The following ABCA13 variants were observed in gnomAD, a reference collection of about 807,000 sequenced individuals.
The protein encoded by ABCA13 is ATP-binding cassette sub-family A member 13.
In ABCA13, 476 loss-of-function variants were observed where a neutral mutation model predicts 478.7. The ratio of observed to expected loss-of-function variants is 0.99; its 90% CI spans 0.92 to 1.07. The LOEUF is 1.07. ABCA13 is among the 50% of genes least tolerant of loss of function. The probability of loss-of-function intolerance (pLI) is 0.00; values close to 1 mark genes in which losing one functional copy is unlikely to be tolerated. For synonymous variants in ABCA13, 2,252 were observed against 2,158.9 expected (o/e 1.04, Z -1.20); for missense variants, 6,060 against 5,910.6 (o/e 1.03, Z -0.83).
chr7:48,225,109 G>GTGCC (rs201750881), intron 5 of ABCA13, among the ~76,000 whole-genome samples: 3,666 of 113,344 alleles, frequency 0.032, 175 homozygotes, highest in African/African-American at 0.055. Context: ...CCATGCGTGC[G>GTGCC]TGCCTGCCTG....
intron 55 of ABCA13, among the ~76,000 whole-genome samples, chr7:48,547,587 T>C (rs1366300900): frequency 6.6e-6 from 1 of 151,886 alleles, no homozygotes; most frequent in East Asian, 1.9e-4. Context: ...GTGTTCTTAA[T>C]TTCACACTGA....
At chr7:48,373,172 T>G (rs1465407153) in intron 33 of ABCA13, among the ~76,000 whole-genome samples, 1 of 152,206 alleles carries the variant, frequency 6.6e-6, no homozygotes, top group Non-Finnish European at 1.5e-5. Flanking sequence ...GCAGGTCAAG[T>G]GACTTCCTAA....
At chr7:48,371,265 C>CT (rs903620826) in intron 32 of ABCA13, among the ~76,000 whole-genome samples, 3 of 151,896 alleles carry the variant, frequency 2.0e-5, no homozygotes, top group Non-Finnish European at 2.9e-5. Flanking sequence ...TATACAGGCT[C>CT]TTTTTTTTGG....
chr7:48,377,337 G>T (rs1006340675), intron 35 of ABCA13, among the ~76,000 whole-genome samples: 4 of 152,070 alleles, frequency 2.6e-5, no homozygotes, highest in African/African-American at 9.7e-5. Context: ...ATTTTTTAGA[G>T]ATAACACTTT....
chr7:48,313,089 A>G lies in ABCA13; in HGVS notation c.9539A>G (p.Asn3180Ser), dbSNP rs753457260. The G allele has an allele frequency of 8.7e-6, 14 of 1,600,436 alleles. No homozygotes were observed. In the African/African-American group the frequency reaches 1.9e-4, roughly 22 times the overall value. The part of the protein sequence containing the change: ...IYKTLMPSEA[N>S]GLLNSLLDIV... ...TAGACTCTGATGCCTTCTGAAGCAA[A>G]TGGCTTGCTCAACTCCTTGCTGGAT... The change falls in exon 25 of 62, where the codon AAT becomes AGT. Residue 3180 changes from asparagine to serine, a missense_variant. Around this residue, in one of 3 missense-constraint regions of ABCA13, gnomAD observed 4,423 missense variants for 4,309.1 expected, o/e 1.03. Transcript: ENST00000435803.
At position 48,200,751 on chromosome 7, in the gene ABCA13, C is replaced by T. The variant is rs35311027; in HGVS notation, c.287+2391C>T. Among the ~76,000 whole-genome samples the T allele has an allele frequency of 7.0e-4, 107 of 152,272 alleles. 1 individual carries two copies. Among genetic ancestry groups the T allele is most frequent in the Non-Finnish European group, 8.7e-4 (59 of 68,030 alleles). On this transcript the variant is annotated intron_variant, in intron 3 of 61. Transcript: ENST00000435803. ...TCTGGTTTCAGACTCAGCCACTTGA[C>T]CAAGCAGATTTCATGCGTTTTCATA...
At chr7:48,201,086 A>C (rs1481538183) in intron 3 of ABCA13, among the ~76,000 whole-genome samples, 1 of 101,716 alleles carries the variant, frequency 9.8e-6, no homozygotes, top group Admixed American at 1.1e-4. Context: ...ATTGGTTTAC[A>C]AAGCTCTTTG....
At chr7:48,374,531 A>G (rs1813155006) in intron 34 of ABCA13, 115 bp downstream of exon 34, 3 of 967,022 alleles carry the variant, frequency 3.1e-6, no homozygotes, top group Non-Finnish European at 4.6e-6. Context: ...AGCATTCAGA[A>G]TGAGGTTTGG....
intron 48 of ABCA13, among the ~76,000 whole-genome samples, chr7:48,493,168 C>A (rs766191203): frequency 1.6e-4 from 24 of 152,090 alleles, no homozygotes; most frequent in Admixed American, 8.5e-4. Flanking sequence ...GGTGTTTATA[C>A]TACTGATGTT....
At chr7:48,587,073 G>A (rs1012443290) in intron 56 of ABCA13, 81 bp from the exon 57 acceptor site, 43 of 1,575,468 alleles carry the variant, frequency 2.7e-5, no homozygotes, top group Non-Finnish European at 3.5e-5. Context: ...GGAGGTAGAA[G>A]CAGGAATGAG....
Position 48,597,152 on chromosome 7 carries a change from G to A in ABCA13, c.14744+2339G>A, listed in dbSNP as rs568537738. On this transcript the variant is annotated intron_variant, in intron 58 of 61. Transcript: ENST00000435803. Reference sequence around the variant, plus strand: ...ATTTTAGTAGAGACGGGGTTTCACCGTGTTAGCCAGGATGGTCTCGATCTC... The same window carrying A: ...ATTTTAGTAGAGACGGGGTTTCACCATGTTAGCCAGGATGGTCTCGATCTC... Among the ~76,000 whole-genome samples the A allele has an allele frequency of 1.2e-3, 177 of 152,068 alleles. 1 individual carries two copies. Among genetic ancestry groups the A allele is most frequent in the African/African-American group, 4.0e-3 (166 of 41,526 alleles).
chr7:48,632,649 A>G (rs931477258), intron 59 of ABCA13, among the ~76,000 whole-genome samples: 5 of 152,116 alleles, frequency 3.3e-5, no homozygotes, highest in Admixed American at 6.5e-5. Context: ...GGTACTCACA[A>G]TAGGATATAC....
chr7:48,381,069 A>T (rs1814291224), intron 35 of ABCA13, among the ~76,000 whole-genome samples: 1 of 152,106 alleles, frequency 6.6e-6, no homozygotes, highest in African/African-American at 2.4e-5. Context: ...TCTTGTTCAC[A>T]TTCCCACAGC....
rs1009991347 is a variant in ABCA13, at chr7:48,433,629, A to T, written c.12565+5758A>T. On this transcript the variant is annotated intron_variant, in intron 42 of 61. Coordinates refer to ENST00000435803, the MANE Select transcript of ABCA13 (RefSeq NM_152701.5). ...AACCATCATCATCATCCATTTCCAGAACTTTTTTATCTTCTCAAATTGAAA... is the reference window on the plus strand; with the variant it reads ...AACCATCATCATCATCCATTTCCAGTACTTTTTTATCTTCTCAAATTGAAA... 2.0e-5 allele frequency among the ~76,000 whole-genome samples: 3 copies of T among 152,036 alleles called. No individual in the cohort carries two copies. In the South Asian group the frequency reaches 6.2e-4, roughly 32 times the overall value.
chr7:48,196,808 C>A (rs1229136139), intron 2 of ABCA13, among the ~76,000 whole-genome samples: 1 of 152,172 alleles, frequency 6.6e-6, no homozygotes, highest in Non-Finnish European at 1.5e-5. Context: ...TATCTGGGCA[C>A]TGTTGCTGAC....
At chr7:48,267,937 A>G (rs1411865966) in intron 15 of ABCA13, among the ~76,000 whole-genome samples, 4 of 152,082 alleles carry the variant, frequency 2.6e-5, no homozygotes, top group Non-Finnish European at 5.9e-5. Context: ...GCTTGAAATA[A>G]TTTGATTCTT....
At chr7:48,541,440 A>T (rs1378913479) in intron 55 of ABCA13, among the ~76,000 whole-genome samples, 2 of 152,104 alleles carry the variant, frequency 1.3e-5, no homozygotes, top group Non-Finnish European at 2.9e-5. Context: ...TTATTCGCCG[A>T]GTATTAAGTT....
chr7:48,253,866 A>C (rs528929485), intron 15 of ABCA13, among the ~76,000 whole-genome samples: 5 of 151,544 alleles, frequency 3.3e-5, no homozygotes, highest in Non-Finnish European at 7.4e-5. Flanking sequence ...CCATATTACT[A>C]TTTCTTTAAA....
chr7:48,209,478 A>G (rs1210777408), intron 3 of ABCA13, among the ~76,000 whole-genome samples: 2 of 152,130 alleles, frequency 1.3e-5, no homozygotes, highest in African/African-American at 2.4e-5. Context: ...TCAGCAGTGA[A>G]GCCATTGTTT....
Sources: allele counts gnomAD v4.1 joint callset (sites outside exome capture counted in the v4.1 genomes callset), GRCh38; gene constraint gnomAD v4.1.1; regional missense constraint gnomAD v4.1.1; transcripts MANE v1.5; gene names NCBI Gene and HGNC (gene_info 2026-07-23, HGNC 2026-07-21).